Variants in SORBS2 observed in about 807,000 individuals in gnomAD.
SORBS2 encodes sorbin and SH3 domain containing 2.
A neutral mutation model predicts 97.7 loss-of-function variants in SORBS2; 46 were observed. The ratio of observed to expected loss-of-function variants is 0.47; its 90% confidence interval spans 0.37 to 0.60. The LOEUF is 0.60. Ranked by LOEUF, SORBS2 falls within the 20% of genes least tolerant of loss-of-function variation. The pLI is 0.00. For missense variants in SORBS2, 1,316 were observed against 1,282.3 expected (o/e 1.03, Z -0.40); for synonymous variants, 476 against 473.4 (o/e 1.01, Z -0.07).
chr4:185,655,136 G>A (rs1232832836), intron 1 of SORBS2, among the ~76,000 whole-genome samples: 1 of 152,214 alleles, frequency 6.6e-6, no homozygotes, highest in Non-Finnish European at 1.5e-5. Flanking sequence ...TCACATAGAT[G>A]TCCCAGGTCA....
chr4:185,687,410 A>G (rs2097988364), intron 2 of SORBS2, among the ~76,000 whole-genome samples: 1 of 152,266 alleles, frequency 6.6e-6, no homozygotes, highest in Non-Finnish European at 1.5e-5. Flanking sequence ...TTCAGTGTGC[A>G]ACAGGCACAC....
At chr4:185,915,095 T>C (rs1283657490) in intron 1 of SORBS2, among the ~76,000 whole-genome samples, 1 of 152,252 alleles carries the variant, frequency 6.6e-6, no homozygotes, top group Non-Finnish European at 1.5e-5. Flanking sequence ...GGATGATCTG[T>C]GGACCAAGGT....
intron 1 of SORBS2, among the ~76,000 whole-genome samples, chr4:185,852,530 T>C (rs2099218492): frequency 6.6e-6 from 1 of 152,222 alleles, no homozygotes; most frequent in South Asian, 2.1e-4. Flanking sequence ...TTTGGTTGTT[T>C]TGTAGTGTTA....
intron 2 of SORBS2, among the ~76,000 whole-genome samples, chr4:185,698,296 C>A (rs943106924): frequency 1.3e-5 from 2 of 152,044 alleles, no homozygotes; most frequent in Non-Finnish European, 2.9e-5. Context: ...GCCAACATGA[C>A]GAAACCCCTG....
chr4:185,730,310 CTTTTTTTTTT>C (rs67749971), intron 2 of SORBS2, among the ~76,000 whole-genome samples: 36 of 125,286 alleles, frequency 2.9e-4, no homozygotes, highest in Admixed American at 7.2e-4. Flanking sequence ...AATATACTTT[CTTTTTTTTTT>C]TTTTTTTTGG....
chr4:185,848,816 G>A (rs756074024), intron 1 of SORBS2, among the ~76,000 whole-genome samples: 1 of 151,552 alleles, frequency 6.6e-6, no homozygotes, highest in East Asian at 1.9e-4. Context: ...TTTATCTGAC[G>A]GTTAAGTCTG....
intron 1 of SORBS2, among the ~76,000 whole-genome samples, chr4:185,884,208 C>T (rs1479464674): frequency 1.3e-5 from 2 of 152,136 alleles, no homozygotes; most frequent in Non-Finnish European, 2.9e-5. Context: ...ATAAACCTGA[C>T]TATAAAATTA....
chr4:185,609,058 C>T (rs2096487904), intron 12 of SORBS2, among the ~76,000 whole-genome samples: 4 of 151,566 alleles, frequency 2.6e-5, no homozygotes, highest in South Asian at 2.1e-4. Flanking sequence ...CTCATGTGAG[C>T]ATCTTAATAC....
rs1230234696 is a variant in SORBS2 at position 185,906,124 on chromosome 4, C to T, written c.-338+50072G>A. On this transcript the variant is annotated intron_variant, in intron 1 of 20. Coordinates refer to the SORBS2 transcript ENST00000284776. ...TCTCAGCTCACTGCAACCTCCGCCT[C>T]CTGGGTTCAAGTGATTCTCCTGCCT... Among the ~76,000 whole-genome samples, 4 of 152,180 alleles carry T rather than the reference C, an allele frequency of 2.6e-5. No homozygotes were observed. In the East Asian group the frequency reaches 7.7e-4, roughly 29 times the overall value.
intron 4 of SORBS2, among the ~76,000 whole-genome samples, chr4:185,641,572 T>C (rs1212691607): frequency 1.1e-4 from 16 of 152,162 alleles, no homozygotes; most frequent in Non-Finnish European, 7.4e-5. Context: ...CTAATCTCAG[T>C]AATTTAACAC....
chr4:185,682,737 G>A (rs1298953605), intron 2 of SORBS2, among the ~76,000 whole-genome samples: 18 of 152,130 alleles, frequency 1.2e-4, no homozygotes, highest in African/African-American at 4.1e-4. Flanking sequence ...GGGGCCAGGT[G>A]TAGTGGCTCA....
chr4:185,952,932 G>A (rs761612322), intron 1 of SORBS2, among the ~76,000 whole-genome samples: 2 of 152,148 alleles, frequency 1.3e-5, no homozygotes, highest in Non-Finnish European at 2.9e-5. Context: ...TCCCATTAAG[G>A]TTACAGCCTG....
At chr4:185,814,029 G>T (rs79721651) in intron 1 of SORBS2, among the ~76,000 whole-genome samples, 2,629 of 152,202 alleles carry the variant, frequency 0.017, 81 homozygotes, top group African/African-American at 0.06. Flanking sequence ...TGACTGGCTG[G>T]TGTGAAATCT....
intron 2 of SORBS2, among the ~76,000 whole-genome samples, chr4:185,683,131 C>A (rs917623753): frequency 6.6e-5 from 10 of 152,028 alleles, no homozygotes; most frequent in African/African-American, 2.4e-4. Flanking sequence ...GGACTTCATT[C>A]TCTAGAAATC....
chr4:185,852,570 T>A (rs1233643226), intron 1 of SORBS2, among the ~76,000 whole-genome samples: 1 of 152,218 alleles, frequency 6.6e-6, no homozygotes, highest in Non-Finnish European at 1.5e-5. Flanking sequence ...GGCTGTAGCT[T>A]TCTAGAGATT....
chr4:185,778,436 A>G (rs2099010984), intron 1 of SORBS2, among the ~76,000 whole-genome samples: 1 of 152,164 alleles, frequency 6.6e-6, no homozygotes, highest in East Asian at 1.9e-4. Context: ...ATCACTTAGG[A>G]TCTTGTTAGA....
At chr4:185,889,365 T>G (rs1033632198) in intron 1 of SORBS2, among the ~76,000 whole-genome samples, 30 of 152,226 alleles carry the variant, frequency 2.0e-4, no homozygotes, top group Non-Finnish European at 3.2e-4. Flanking sequence ...GTCATTTTTT[T>G]TTTTAAGACT....
At chr4:185,899,386 T>C (rs540922315) in intron 1 of SORBS2, among the ~76,000 whole-genome samples, 23 of 152,208 alleles carry the variant, frequency 1.5e-4, no homozygotes, top group African/African-American at 5.3e-4. Flanking sequence ...AGAGTGTAGA[T>C]TCTGTCGTTC....
At chr4:185,858,441 T>C (rs73019830) in intron 1 of SORBS2, among the ~76,000 whole-genome samples, 1,732 of 152,326 alleles carry the variant, frequency 0.011, 38 homozygotes, top group African/African-American at 0.04. Context: ...AACCACTTAA[T>C]TTTGTATTTT....
Sources: allele counts gnomAD v4.1 joint callset (sites outside exome capture counted in the v4.1 genomes callset), GRCh38; gene constraint gnomAD v4.1.1; transcripts MANE v1.5; gene names NCBI Gene and HGNC (gene_info 2026-07-23, HGNC 2026-07-21).